The following UGGT2 variants were observed in gnomAD, a reference collection of about 807,000 sequenced individuals.
The protein encoded by UGGT2 is UDP-glucose:glycoprotein glucosyltransferase 2.
A neutral mutation model predicts 192.1 loss-of-function variants in UGGT2; 180 were observed. The observed-to-expected ratio is 0.94, with a 90% CI of 0.83 to 1.06. The LOEUF (loss-of-function observed/expected upper bound fraction) is 1.06. UGGT2 is among the 50% of genes least tolerant of loss of function. UGGT2 has a pLI of 0.00. For synonymous variants in UGGT2, 580 were observed against 591.0 expected (o/e 0.98, Z 0.27); for missense variants, 1,849 against 1,795.7 (o/e 1.03, Z -0.54).
intron 20 of UGGT2, among the ~76,000 whole-genome samples, chr13:95,920,781 T>C (rs760398475): frequency 1.4e-4 from 21 of 152,184 alleles, no homozygotes; most frequent in Non-Finnish European, 1.2e-4. Flanking sequence ...AGTTCGGAGA[T>C]TTCTCAAAGA....
At chr13:95,970,574 A>T (rs182510663) in intron 11 of UGGT2, among the ~76,000 whole-genome samples, 84 of 152,280 alleles carry the variant, frequency 5.5e-4, no homozygotes, top group Admixed American at 1.0e-3. Context: ...GAGAAAAAAA[A>T]TATTAGGTCA....
chr13:95,979,081 A>G (rs977491447), intron 10 of UGGT2, among the ~76,000 whole-genome samples: 1 of 152,202 alleles, frequency 6.6e-6, no homozygotes, highest in Non-Finnish European at 1.5e-5. Context: ...TTACCTGACC[A>G]CCTGATCATA....
intron 1 of UGGT2, among the ~76,000 whole-genome samples, chr13:96,042,213 T>C (rs1425341251): frequency 6.6e-6 from 1 of 152,134 alleles, no homozygotes; most frequent in Non-Finnish European, 1.5e-5. Flanking sequence ...GTGCAGACAA[T>C]TCCTAGTACC....
intron 7 of UGGT2, chr13:95,991,156 C>T (rs565768363): frequency 1.1e-5 from 2 of 174,456 alleles, no homozygotes; most frequent in South Asian, 1.4e-4. Context: ...GAAGTCTTTG[C>T]TATTGTGAAT....
chr13:95,994,987 T>A (rs1190142155), intron 7 of UGGT2, among the ~76,000 whole-genome samples: 6 of 152,010 alleles, frequency 3.9e-5, no homozygotes. Context: ...AATTTCAAAT[T>A]TTCTAGTTAT....
At chr13:95,911,406 AC>A (rs2048492835) in intron 20 of UGGT2, among the ~76,000 whole-genome samples, 1 of 152,236 alleles carries the variant, frequency 6.6e-6, no homozygotes, top group South Asian at 2.1e-4. Context: ...ATGGGATATC[AC>A]CACTGATCCC....
At chr13:95,927,920 G>A (rs939850818) in intron 17 of UGGT2, among the ~76,000 whole-genome samples, 4 of 151,954 alleles carry the variant, frequency 2.6e-5, no homozygotes, top group Non-Finnish European at 5.9e-5. Context: ...ATCTTGCACC[G>A]CCCTTAATCC....
intron 27 of UGGT2, among the ~76,000 whole-genome samples, chr13:95,881,066 C>A (rs868526368): frequency 3.9e-5 from 6 of 152,044 alleles, no homozygotes; most frequent in African/African-American, 1.4e-4. Flanking sequence ...CCTAGCTACT[C>A]GGGGGGCTGG....
chr13:96,006,705 AAAATGTAGTAGAG>A (rs2051991711), intron 5 of UGGT2, among the ~76,000 whole-genome samples: 1 of 151,936 alleles, frequency 6.6e-6, no homozygotes, highest in South Asian at 2.1e-4. Context: ...ATTTAAGAAG[AAAATGTAGTAGAG>A]AAAGAAAGGA....
intron 12 of UGGT2, among the ~76,000 whole-genome samples, chr13:95,962,245 T>C (rs978064971): frequency 2.0e-5 from 3 of 151,888 alleles, no homozygotes; most frequent in Non-Finnish European, 4.4e-5. Context: ...CTAAATGAAA[T>C]TGATACTAAA....
At position 96,020,503 on chromosome 13, in the gene UGGT2, C is replaced by G. The variant is rs1394014581; in HGVS notation, c.485+2537G>C. Reference sequence around the variant, plus strand: ...GCTTCACAAACATTGACAGCATTCACAGTATAAGCATGTAAAATACCAATA... The same window carrying G: ...GCTTCACAAACATTGACAGCATTCAGAGTATAAGCATGTAAAATACCAATA... On this transcript the variant is annotated intron_variant, in intron 4 of 38. Coordinates refer to ENST00000376747, the MANE Select transcript of UGGT2 (RefSeq NM_020121.4). 2.0e-5 allele frequency among the ~76,000 whole-genome samples: 3 copies of G among 152,240 alleles called. No individual in the cohort carries two copies. In the East Asian group the frequency reaches 5.8e-4, roughly 29 times the overall value.
intron 36 of UGGT2, among the ~76,000 whole-genome samples, chr13:95,846,268 T>G (rs1888435498): frequency 6.6e-6 from 1 of 151,962 alleles, no homozygotes; most frequent in African/African-American, 2.4e-5. Context: ...ACCAAAAAAA[T>G]ATGAAAACCA....
intron 36 of UGGT2, among the ~76,000 whole-genome samples, chr13:95,838,789 T>C (rs1013347483): frequency 1.5e-4 from 23 of 152,102 alleles, no homozygotes; most frequent in African/African-American, 5.5e-4. Context: ...GCCTACCATA[T>C]TATCTAAGCT....
chr13:96,044,734 A>C (rs952260597), intron 1 of UGGT2, among the ~76,000 whole-genome samples: 1 of 152,218 alleles, frequency 6.6e-6, no homozygotes, highest in African/African-American at 2.4e-5. Context: ...ATATGCATAA[A>C]GTAGAAAACC....
At position 95,863,675 on chromosome 13, in the gene UGGT2, TAAG is replaced by T. The variant is rs1311004407; in HGVS notation, c.3595_3597del (p.Leu1199del). ...CCTTTTGTTTTTTCATCTTCATCGG[TAAG>T]GATATCTTCCTTAATTTTGTCTGTT... On this transcript the variant is annotated inframe_deletion, in exon 31 of 39. Transcript: ENST00000376747. 10 of 1,612,756 alleles carry T rather than the reference TAAG, an allele frequency of 6.2e-6. No homozygotes were observed. In the Admixed American group the frequency reaches 1.7e-4, roughly 27 times the overall value.
At chr13:95,848,814 T>C (rs189872164) in intron 36 of UGGT2, among the ~76,000 whole-genome samples, 14 of 152,324 alleles carry the variant, frequency 9.2e-5, no homozygotes, top group Admixed American at 4.6e-4. Context: ...TAAAACAACT[T>C]GCTAGGACTT....
At chr13:95,858,576 A>G (rs1248863158) in intron 33 of UGGT2, among the ~76,000 whole-genome samples, 1 of 152,136 alleles carries the variant, frequency 6.6e-6, no homozygotes, top group Non-Finnish European at 1.5e-5. Flanking sequence ...ACGGGATTCT[A>G]CTGGGAGAGG....
At chr13:96,014,266 T>G (rs751052392) in intron 4 of UGGT2, among the ~76,000 whole-genome samples, 31 of 152,178 alleles carry the variant, frequency 2.0e-4, no homozygotes, top group Non-Finnish European at 3.4e-4. Flanking sequence ...TTTAGTGAAT[T>G]CTGATCTCTA....
In UGGT2 at chr13:95,934,478, G is replaced by T. The variant is rs577336050; in HGVS notation, c.1977+2446C>A. On this transcript the variant is annotated intron_variant, in intron 17 of 38. Coordinates refer to ENST00000376747, the MANE Select transcript of UGGT2 (RefSeq NM_020121.4). ...TCTAACACACGATAGAAATGGCAAG[G>T]AGCCAGCTAAGAACTTCATGACAGG... 2.1e-3 allele frequency among the ~76,000 whole-genome samples: 323 copies of T among 152,280 alleles called. 2 individuals carry two copies. The highest frequency in any genetic ancestry group is 3.4e-3 in the Middle Eastern group (1 of 294).
Sources: gnomAD v4.1 joint callset for allele counts (sites outside exome capture counted in the v4.1 genomes callset) on GRCh38, gnomAD v4.1.1 for gene constraint, MANE v1.5 for transcripts, NCBI Gene and HGNC (gene_info 2026-07-23, HGNC 2026-07-21) for gene names.